Variants in KCNMA1 observed in about 807,000 individuals in gnomAD.
The protein encoded by KCNMA1 is Calcium-activated potassium channel subunit alpha-1.
KCNMA1 carries 29 observed loss-of-function variants against 140.0 expected under a neutral mutation model. The observed-to-expected ratio is 0.21, with a 90% CI of 0.15 to 0.28. KCNMA1 has a LOEUF of 0.28. Among genes scored for constraint, KCNMA1 ranks in the 10% least tolerant of loss-of-function variants. The probability of loss-of-function intolerance (pLI) is 1.00; values close to 1 mark genes in which losing one functional copy is unlikely to be tolerated. For missense variants in KCNMA1, 880 were observed against 1,602.2 expected (o/e 0.55, Z 7.70); for synonymous variants, 612 against 611.9 (o/e 1.00, Z 0.00).
chr10:77,529,797 T>C (rs2057113162), intron 1 of KCNMA1, among the ~76,000 whole-genome samples: 1 of 152,010 alleles, frequency 6.6e-6, no homozygotes, highest in Non-Finnish European at 1.5e-5. Context: ...CGTGGGCCTT[T>C]GTCAGGAAAG....
chr10:77,240,099 T>A (rs888751624), intron 3 of KCNMA1, among the ~76,000 whole-genome samples: 1 of 152,134 alleles, frequency 6.6e-6, no homozygotes, highest in Non-Finnish European at 1.5e-5. Context: ...TCTCTTCTTA[T>A]AAAAAAAGAA....
intron 5 of KCNMA1, among the ~76,000 whole-genome samples, chr10:77,178,946 A>G (rs966760396): frequency 6.6e-6 from 1 of 152,200 alleles, no homozygotes; most frequent in Non-Finnish European, 1.5e-5. Context: ...AGGAATTAAA[A>G]TAAGCAGCGT....
At chr10:77,600,949 A>T (rs1391442871) in intron 1 of KCNMA1, among the ~76,000 whole-genome samples, 1 of 152,172 alleles carries the variant, frequency 6.6e-6, no homozygotes, top group African/African-American at 2.4e-5. Context: ...CAAACTGCCT[A>T]ACACAGTGAC....
At chr10:76,933,393 G>T (rs922075992) in intron 23 of KCNMA1, among the ~76,000 whole-genome samples, 1 of 152,122 alleles carries the variant, frequency 6.6e-6, no homozygotes, top group African/African-American at 2.4e-5. Context: ...AATAGAACAG[G>T]CTCTTCTTTG....
chr10:77,556,502 CAAAA>C lies in KCNMA1; in HGVS notation c.378+80759_378+80762del, dbSNP rs11446237. 6.4e-3 allele frequency among the ~76,000 whole-genome samples: 438 copies of C among 68,866 alleles called. 1 individual carries two copies. Among genetic ancestry groups the C allele is most frequent in the Middle Eastern group, 0.011 (1 of 94 alleles). 45.2% of individuals were successfully genotyped at this position (68,866 alleles called of 152,430 possible). On this transcript the variant is annotated intron_variant, in intron 1 of 27. Transcript: ENST00000286628. ...CCTGGACAACAGAGTGGGACTATCT[CAAAA>C]AAAAAAAAAAAAAAAAAAAAGGGAA...
At chr10:77,194,738 C>T (rs1034760980) in intron 3 of KCNMA1, among the ~76,000 whole-genome samples, 1 of 151,976 alleles carries the variant, frequency 6.6e-6, no homozygotes, top group Non-Finnish European at 1.5e-5. Context: ...AGCAGAATGG[C>T]ACACAAGCCC....
At chr10:77,274,462 T>C (rs2066049423) in intron 2 of KCNMA1, among the ~76,000 whole-genome samples, 2 of 152,210 alleles carry the variant, frequency 1.3e-5, no homozygotes, top group South Asian at 4.1e-4. Flanking sequence ...ATGATGCTAC[T>C]GAGAAACGAA....
intron 1 of KCNMA1, among the ~76,000 whole-genome samples, chr10:77,616,207 TCAGAGATGCTACATTCCAG>T (rs921682247): frequency 6.6e-6 from 1 of 152,164 alleles, no homozygotes; most frequent in African/African-American, 2.4e-5. Context: ...GTCCTAGGCT[TCAGAGATGCTACATTCCAG>T]CAGGGGGTGG....
chr10:77,205,582 A>C (rs972018655), intron 3 of KCNMA1, among the ~76,000 whole-genome samples: 3 of 151,992 alleles, frequency 2.0e-5, no homozygotes, highest in African/African-American at 7.3e-5. Flanking sequence ...ACCTTCAAAA[A>C]ATATAGTAAT....
At chr10:77,632,375 G>A (rs1260655360) in intron 1 of KCNMA1, among the ~76,000 whole-genome samples, 1 of 152,090 alleles carries the variant, frequency 6.6e-6, no homozygotes, top group African/African-American at 2.4e-5. Flanking sequence ...GGGATAACAG[G>A]GATGGAATTT....
chr10:77,558,211 A>T (rs1644157306), intron 1 of KCNMA1, among the ~76,000 whole-genome samples: 1 of 152,136 alleles, frequency 6.6e-6, no homozygotes, highest in Admixed American at 6.6e-5. Context: ...CTCCTGAAAT[A>T]TTCATAATTC....
intron 9 of KCNMA1, among the ~76,000 whole-genome samples, chr10:77,107,579 T>C (rs756317695): frequency 2.6e-5 from 4 of 152,338 alleles, no homozygotes; most frequent in South Asian, 2.1e-4. Flanking sequence ...GGAAAAAACC[T>C]TGGGGTCTCT....
At chr10:77,344,102 C>T (rs191514262) in intron 2 of KCNMA1, among the ~76,000 whole-genome samples, 110 of 152,336 alleles carry the variant, frequency 7.2e-4, no homozygotes, top group Admixed American at 1.6e-3. Flanking sequence ...GATGCACATC[C>T]CTTAGTGCCT....
At chr10:77,203,562 T>C (rs888674946) in intron 3 of KCNMA1, among the ~76,000 whole-genome samples, 1 of 152,174 alleles carries the variant, frequency 6.6e-6, no homozygotes, top group African/African-American at 2.4e-5. Flanking sequence ...CTCCCTTCCC[T>C]GCTAGACTGT....
In KCNMA1 at chr10:77,073,193, G is replaced by C. The variant is rs768361935; in HGVS notation, c.1653C>G (p.Leu551=). 4 of 1,614,202 alleles carry C rather than the reference G, an allele frequency of 2.5e-6. No homozygotes were observed. Among genetic ancestry groups the C allele is most frequent in the South Asian group, 2.2e-5 (2 of 91,088 alleles). The change falls in exon 14 of 28, where the codon CTC becomes CTG. Residue 551 remains leucine (L), a synonymous_variant. Coordinates refer to ENST00000286628, the MANE Select transcript of KCNMA1 (RefSeq NM_001161352.2). ...CTATGAAGCCCAACTTCAACTCTGC[G>C]AGGCAGATTGCGTCATCACCTTCTT... ...NWKEGDDAIC[L]AELKLGFIAQ...
intron 1 of KCNMA1, among the ~76,000 whole-genome samples, chr10:77,579,725 A>C (rs1181014443): frequency 2.0e-5 from 3 of 152,256 alleles, no homozygotes; most frequent in African/African-American, 7.2e-5. Flanking sequence ...AGAACGGACC[A>C]GTGAAGGTGT....
chr10:76,985,196 C>T (rs1445255189), intron 19 of KCNMA1, among the ~76,000 whole-genome samples: 1 of 152,172 alleles, frequency 6.6e-6, no homozygotes, highest in Non-Finnish European at 1.5e-5. Context: ...ATATAAAAAC[C>T]TAGAATGTTA....
At position 76,952,142 on chromosome 10, in the gene KCNMA1, C is replaced by T. The variant is rs370942695; in HGVS notation, c.2484+1659G>A. The T allele has an allele frequency of 2.3e-4, 357 of 1,551,446 alleles. 1 individual carries two copies. The highest frequency in any genetic ancestry group is 5.0e-4 in the Middle Eastern group (3 of 6,014). ...TCATTAAAACCCTAGGTCCCAGATA[C>T]GGCATCCAGCCTGTGACCTGCCACA... On this transcript the variant is annotated intron_variant, in intron 21 of 27. Coordinates refer to ENST00000286628, the MANE Select transcript of KCNMA1 (RefSeq NM_001161352.2).
intron 5 of KCNMA1, among the ~76,000 whole-genome samples, chr10:77,141,531 G>A (rs1233043067): frequency 3.3e-5 from 5 of 152,202 alleles, no homozygotes; most frequent in African/African-American, 1.2e-4. Flanking sequence ...AAGCCAGAAA[G>A]AGAGCCCTCA....
Sources: allele counts gnomAD v4.1 joint callset (sites outside exome capture counted in the v4.1 genomes callset), GRCh38; gene constraint gnomAD v4.1.1; transcripts MANE v1.5; gene names NCBI Gene and HGNC (gene_info 2026-07-23, HGNC 2026-07-21).